EPHA5: variants seen among roughly 807,000 people sequenced by gnomAD.
The protein encoded by EPHA5 is ephrin type-A receptor 5.
A neutral mutation model predicts 105.0 loss-of-function variants in EPHA5; 60 were observed. The observed-to-expected ratio is 0.57, with a 90% confidence interval of 0.46 to 0.71. The LOEUF (loss-of-function observed/expected upper bound fraction) is 0.71. Ranked by LOEUF, EPHA5 falls within the 30% of genes least tolerant of loss-of-function variation. EPHA5 has a pLI of 0.00. For synonymous variants in EPHA5, 513 were observed against 449.1 expected (o/e 1.14, Z -1.80); for missense variants, 1,218 against 1,274.7 (o/e 0.96, Z 0.68).
At chr4:65,507,914 G>A (rs1207425822) in intron 3 of EPHA5, among the ~76,000 whole-genome samples, 1 of 151,168 alleles carries the variant, frequency 6.6e-6, no homozygotes, top group Admixed American at 6.6e-5. Flanking sequence ...TAAATTAATA[G>A]ATACCCAAAT....
At chr4:65,361,592 A>T (rs1188712413) in intron 11 of EPHA5, among the ~76,000 whole-genome samples, 1 of 151,628 alleles carries the variant, frequency 6.6e-6, no homozygotes, top group East Asian at 1.9e-4. Context: ...CTGTATAAAG[A>T]AAATGATCTT....
At chr4:65,599,605 A>G (rs1743515674) in intron 3 of EPHA5, among the ~76,000 whole-genome samples, 1 of 152,150 alleles carries the variant, frequency 6.6e-6, no homozygotes, top group African/African-American at 2.4e-5. Flanking sequence ...ACATGTGTGA[A>G]ACATTCTCTG....
Position 65,646,856 on chromosome 4 carries a change from A to G in EPHA5, c.182-3429T>C, listed in dbSNP as rs533302863. 7.9e-5 allele frequency among the ~76,000 whole-genome samples: 12 copies of G among 152,280 alleles called. No individual in the cohort carries two copies. The South Asian group carries it at 1.4e-3, about 18-fold the overall frequency. ...AAATAAAAACAGAATATCTGACTATATAACACCACTAAATTATCTTTCACA... is the reference window on the plus strand; with the variant it reads ...AAATAAAAACAGAATATCTGACTATGTAACACCACTAAATTATCTTTCACA... On this transcript the variant is annotated intron_variant, in intron 1 of 16. Transcript: ENST00000613740.
chr4:65,506,747 A>G (rs1733066677), intron 3 of EPHA5, among the ~76,000 whole-genome samples: 1 of 150,252 alleles, frequency 6.7e-6, no homozygotes, highest in Non-Finnish European at 1.5e-5. Flanking sequence ...AATTTGTTTG[A>G]GTTCATTGTC....
intron 3 of EPHA5, among the ~76,000 whole-genome samples, chr4:65,541,158 G>A (rs185168920): frequency 1.3e-5 from 2 of 151,656 alleles, no homozygotes; most frequent in Admixed American, 6.6e-5. Context: ...ACATGAAAAT[G>A]TAAAGACAAG....
chr4:65,595,705 C>G (rs900665658), intron 3 of EPHA5, among the ~76,000 whole-genome samples: 1 of 151,820 alleles, frequency 6.6e-6, no homozygotes, highest in African/African-American at 2.4e-5. Context: ...CTCAACCTCC[C>G]GAGTAGCTGG....
chr4:65,505,605 A>C (rs1399440431), intron 3 of EPHA5, among the ~76,000 whole-genome samples: 1 of 151,270 alleles, frequency 6.6e-6, no homozygotes, highest in African/African-American at 2.5e-5. Context: ...TTCTTCACAA[A>C]ATATTGAGAA....
At chr4:65,400,947 C>A (rs1033326935) in intron 8 of EPHA5, among the ~76,000 whole-genome samples, 7 of 151,604 alleles carry the variant, frequency 4.6e-5, no homozygotes, top group African/African-American at 1.5e-4. Flanking sequence ...TGATATGTTA[C>A]CTAGGAGCAA....
chr4:65,408,763 A>T (rs1722619670), intron 7 of EPHA5, among the ~76,000 whole-genome samples: 1 of 151,896 alleles, frequency 6.6e-6, no homozygotes, highest in East Asian at 1.9e-4. Context: ...TAGTTCAACC[A>T]TTGTGGAAGT....
At chr4:65,557,137 T>C (rs73824309) in intron 3 of EPHA5, among the ~76,000 whole-genome samples, 5,736 of 150,038 alleles carry the variant, frequency 0.038, 372 homozygotes, top group African/African-American at 0.13. Context: ...TAGACTTGAT[T>C]ATTGGGACTA....
At chr4:65,334,161 T>G (rs1183573938) in intron 15 of EPHA5, among the ~76,000 whole-genome samples, 1 of 151,934 alleles carries the variant, frequency 6.6e-6, no homozygotes, top group African/African-American at 2.4e-5. Context: ...TCAGTGTCTC[T>G]CTCCCAACAG....
At chr4:65,346,085 T>TCTC (rs375505865) in intron 14 of EPHA5, among the ~76,000 whole-genome samples, 1 of 9,996 alleles carries the variant, frequency 1.0e-4, no homozygotes, top group African/African-American at 2.5e-4. Context: ...TTTCTCTCTC[T>TCTC]TTTTTTTTTT....
intron 4 of EPHA5, among the ~76,000 whole-genome samples, chr4:65,494,303 TAAC>T (rs1159672402): frequency 6.6e-6 from 1 of 152,186 alleles, no homozygotes; most frequent in Non-Finnish European, 1.5e-5. Flanking sequence ...GATTATTTGA[TAAC>T]AAAAAATCTT....
At chr4:65,602,418 CAAT>C in intron 2 of EPHA5, 114 bp from the exon 3 acceptor site, 1 of 762,404 alleles carries the variant, frequency 1.3e-6, no homozygotes, top group Non-Finnish European at 2.0e-6. Flanking sequence ...TTCGTATCCT[CAAT>C]ATGTGATATT....
intron 6 of EPHA5, among the ~76,000 whole-genome samples, chr4:65,417,022 A>G (rs1723449535): frequency 1.3e-5 from 2 of 152,242 alleles, no homozygotes; most frequent in Admixed American, 6.5e-5. Context: ...AATGAGCTAC[A>G]TTCCCCAGCT....
intron 3 of EPHA5, among the ~76,000 whole-genome samples, chr4:65,514,888 C>T (rs932642676): frequency 2.0e-5 from 3 of 152,236 alleles, no homozygotes; most frequent in East Asian, 1.9e-4. Flanking sequence ...AGGCCCTTGA[C>T]CTCAACTCCA....
At chr4:65,347,430 G>A (rs532738711) in intron 14 of EPHA5, among the ~76,000 whole-genome samples, 170 of 152,216 alleles carry the variant, frequency 1.1e-3, no homozygotes, top group African/African-American at 4.0e-3. Flanking sequence ...AAAGATTAAA[G>A]AGCCATGTGT....
At chr4:65,606,533 A>T (rs911905022) in intron 2 of EPHA5, among the ~76,000 whole-genome samples, 6 of 152,194 alleles carry the variant, frequency 3.9e-5, no homozygotes, top group Non-Finnish European at 5.9e-5. Flanking sequence ...AATTAAAAAC[A>T]CTAAGTATTT....
chr4:65,577,699 C>G (rs942104444), intron 3 of EPHA5, among the ~76,000 whole-genome samples: 9 of 152,060 alleles, frequency 5.9e-5, no homozygotes, highest in Admixed American at 2.6e-4. Context: ...CAATTTTAGA[C>G]AGAAATATTA....
Sources: allele counts gnomAD v4.1 joint callset (sites outside exome capture counted in the v4.1 genomes callset), GRCh38; gene constraint gnomAD v4.1.1; transcripts MANE v1.5; gene names NCBI Gene and HGNC (gene_info 2026-07-23, HGNC 2026-07-21).